The following ANKS1B variants were observed in gnomAD, a reference collection of about 807,000 sequenced individuals.
The protein encoded by ANKS1B is ankyrin repeat and sterile alpha motif domain-containing protein 1B.
ANKS1B carries 36 observed loss-of-function variants against 148.3 expected under a neutral mutation model. That is an observed-to-expected ratio of 0.24 (90% CI 0.19 to 0.32). ANKS1B has a LOEUF of 0.32. Among genes scored for constraint, ANKS1B ranks in the 10% least tolerant of loss-of-function variants. The pLI is 1.00. For synonymous variants in ANKS1B, 542 were observed against 560.8 expected, an observed-to-expected ratio of 0.97 and a Z score of 0.47; for missense variants, 1,157 against 1,542.6, an observed-to-expected ratio of 0.75 and a Z score of 4.19.
intron 16 of ANKS1B, among the ~76,000 whole-genome samples, chr12:99,073,435 T>C (rs963547192): frequency 1.4e-4 from 21 of 152,194 alleles, no homozygotes; most frequent in African/African-American, 5.1e-4. Flanking sequence ...CTACCCAGAT[T>C]AAGAAGGAAA....
intron 12 of ANKS1B, among the ~76,000 whole-genome samples, chr12:99,349,296 A>C (rs1003516190): frequency 3.3e-5 from 5 of 152,002 alleles, no homozygotes; most frequent in African/African-American, 1.2e-4. Flanking sequence ...CAAAAAGGTT[A>C]TAAGACATCA....
At chr12:99,936,472 C>A (rs992311045) in intron 1 of ANKS1B, among the ~76,000 whole-genome samples, 1 of 152,056 alleles carries the variant, frequency 6.6e-6, no homozygotes, top group South Asian at 2.1e-4. Flanking sequence ...TATGGCAAGA[C>A]CCCATCTCTT....
At chr12:99,318,845 T>C (rs1228181360) in intron 12 of ANKS1B, among the ~76,000 whole-genome samples, 1 of 152,196 alleles carries the variant, frequency 6.6e-6, no homozygotes, top group Non-Finnish European at 1.5e-5. Flanking sequence ...GCTTTAAATG[T>C]GTCCCAGAGA....
intron 17 of ANKS1B, among the ~76,000 whole-genome samples, chr12:98,974,391 G>A (rs1200901137): frequency 2.6e-5 from 4 of 152,142 alleles, no homozygotes; most frequent in Non-Finnish European, 5.9e-5. Context: ...GTATTTGATA[G>A]AGCCAATTAA....
At chr12:99,849,330 A>G (rs1049944393) in intron 1 of ANKS1B, among the ~76,000 whole-genome samples, 2 of 152,098 alleles carry the variant, frequency 1.3e-5, no homozygotes, top group African/African-American at 4.8e-5. Context: ...GTCAGGAAAA[A>G]TGCAAATTAC....
chr12:99,648,880 G>T, intron 9 of ANKS1B: 1 of 1,460,644 alleles, frequency 6.8e-7, no homozygotes, highest in Non-Finnish European at 9.1e-7. Context: ...CAGCTCACCT[G>T]GGAAATGCAT....
At position 98,802,594 on chromosome 12, in the gene ANKS1B, C is replaced by CTTTTT. The variant is rs397850118; in HGVS notation, c.3142-1474_3142-1470dup. On this transcript the variant is annotated intron_variant, in intron 20 of 26. Transcript: ENST00000683438. Reference sequence around the variant, plus strand: ...CTAGAGGACTTCAGTAATGCACAGGCTTTTTTTTTTTTTTTTTTTTTTTTT... The same window carrying CTTTTT: ...CTAGAGGACTTCAGTAATGCACAGGCTTTTTTTTTTTTTTTTTTTTTTTTTTTTTT... Among the ~76,000 whole-genome samples the CTTTTT allele has an allele frequency of 4.6e-4, 16 of 34,790 alleles. 4 individuals carry two copies. The highest frequency in any genetic ancestry group is 1.5e-3 in the South Asian group (1 of 654). The allele number at this position is 34,790 out of a possible 152,430, so 22.8% of individuals were successfully genotyped here.
At chr12:99,962,425 A>T (rs146561525) in intron 1 of ANKS1B, among the ~76,000 whole-genome samples, 1 of 152,088 alleles carries the variant, frequency 6.6e-6, no homozygotes, top group South Asian at 2.1e-4. Context: ...GTGCATATGT[A>T]CCACATTTTC....
downstream of ANKS1B, among the ~76,000 whole-genome samples, chr12:98,740,956 T>C (rs923498069): frequency 6.6e-6 from 1 of 152,198 alleles, no homozygotes; most frequent in Non-Finnish European, 1.5e-5. Flanking sequence ...TGAGGCAATC[T>C]TGAGGCTAAA....
intron 9 of ANKS1B, among the ~76,000 whole-genome samples, chr12:99,573,552 C>G (rs2097484434): frequency 6.6e-6 from 1 of 152,020 alleles, no homozygotes; most frequent in African/African-American, 2.4e-5. Context: ...AAATCCTAAC[C>G]ATGGCTAAAT....
chr12:99,600,208 T>C (rs903100207), intron 9 of ANKS1B, among the ~76,000 whole-genome samples: 17 of 152,028 alleles, frequency 1.1e-4, no homozygotes, highest in African/African-American at 3.9e-4. Context: ...AGGGTCCTGG[T>C]GCTAGGGACC....
chr12:99,969,707 C>G (rs1005793212), intron 1 of ANKS1B, among the ~76,000 whole-genome samples: 4 of 152,110 alleles, frequency 2.6e-5, no homozygotes, highest in African/African-American at 7.2e-5. Flanking sequence ...AATGTACTTT[C>G]CATTTACATG....
chr12:98,882,861 G>A (rs767036925), intron 17 of ANKS1B, among the ~76,000 whole-genome samples: 35 of 152,054 alleles, frequency 2.3e-4, no homozygotes, highest in Non-Finnish European at 3.2e-4. Context: ...AACAGCTAAC[G>A]ATTTTAGATG....
intron 14 of ANKS1B, 130 bp from the exon 15 acceptor site, chr12:99,154,525 C>T (rs1414310893): frequency 6.3e-7 from 1 of 1,598,250 alleles, no homozygotes; most frequent in Non-Finnish European, 8.5e-7. Flanking sequence ...AAGGAGCCCG[C>T]CAGCTTGACA....
intron 11 of ANKS1B, among the ~76,000 whole-genome samples, chr12:99,437,124 G>A (rs2152770511): frequency 6.6e-6 from 1 of 152,104 alleles, no homozygotes; most frequent in East Asian, 1.9e-4. Flanking sequence ...AGAAGTCCAA[G>A]ATCAGGTTTC....
At chr12:98,817,351 A>T (rs943227151) in intron 19 of ANKS1B, among the ~76,000 whole-genome samples, 1 of 152,252 alleles carries the variant, frequency 6.6e-6, no homozygotes, top group Non-Finnish European at 1.5e-5. Flanking sequence ...AATTCAGTGC[A>T]GTCAAGGGGT....
rs556364517 is a variant in ANKS1B at position 99,464,153 on chromosome 12, G to A, written c.1439-20344C>T. 4.6e-5 allele frequency among the ~76,000 whole-genome samples: 7 copies of A among 152,306 alleles called. No individual in the cohort carries two copies. The South Asian group carries it at 1.2e-3, about 27-fold the overall frequency. The stretch of plus-strand genomic sequence containing the variant: ...GTTGATGAAAATCCACTGTTCTGCA[G>A]TCACTGCTGCTGATACCCAGGCAAA... On this transcript the variant is annotated intron_variant, in intron 10 of 26. Transcript: ENST00000683438.
At chr12:99,273,502 G>A (rs1277016424) in intron 12 of ANKS1B, among the ~76,000 whole-genome samples, 2 of 150,134 alleles carry the variant, frequency 1.3e-5, no homozygotes, top group Non-Finnish European at 2.9e-5. Flanking sequence ...TGGGCTGCAT[G>A]CTTTGAATGT....
chr12:99,163,505 T>TGTGTGTG lies in ANKS1B; in HGVS notation c.2420-9111_2420-9110insCACACAC, dbSNP rs770968774. Among the ~76,000 whole-genome samples the TGTGTGTG allele has an allele frequency of 5.1e-4, 39 of 76,046 alleles. No individual in the cohort carries two copies. In the South Asian group the frequency reaches 6.0e-3, roughly 12 times the overall value. The allele number at this position is 76,046 out of a possible 152,430, so 49.9% of individuals were successfully genotyped here. A position where few individuals can be genotyped will look rare whatever the true frequency, so the allele number is the denominator to read the frequency against. ...TGTGTGTGTGTGTGTGTGTGTGTGT[T>TGTGTGTG]TAGTTCTGTACAATTTTATCACACG... On this transcript the variant is annotated intron_variant, in intron 14 of 26. Transcript: ENST00000683438.
Sources: gnomAD v4.1 joint callset for allele counts (sites outside exome capture counted in the v4.1 genomes callset) on GRCh38, gnomAD v4.1.1 for gene constraint, MANE v1.5 for transcripts, NCBI Gene and HGNC (gene_info 2026-07-23, HGNC 2026-07-21) for gene names.